CSMD1: variants seen among roughly 807,000 people sequenced by gnomAD.
The protein encoded by CSMD1 is CUB and sushi domain-containing protein 1.
In CSMD1, 213 loss-of-function variants were observed where a neutral mutation model predicts 417.5. The ratio of observed to expected loss-of-function variants is 0.51; its 90% CI spans 0.46 to 0.57. CSMD1 has a LOEUF of 0.57. Among genes scored for constraint, CSMD1 ranks in the 20% least tolerant of loss-of-function variants. The pLI is 0.00. For synonymous variants in CSMD1, 2,862 were observed against 1,736.8 expected (o/e 1.65, Z -16.11); for missense variants, 6,923 against 4,529.7 (o/e 1.53, Z -15.17).
chr8:3,183,125 G>T (rs1363650282), intron 36 of CSMD1: 1 of 148,598 alleles, frequency 6.7e-6, no homozygotes, highest in Non-Finnish European at 1.5e-5. Context: ...CTGAAACATC[G>T]AGTAGGTCTC....
chr8:4,204,599 G>T (rs188990156), intron 3 of CSMD1, among the ~76,000 whole-genome samples: 1 of 152,102 alleles, frequency 6.6e-6, no homozygotes, highest in African/African-American at 2.4e-5. Context: ...AAAAATAATT[G>T]CATAAAAGTG....
intron 25 of CSMD1, among the ~76,000 whole-genome samples, chr8:3,304,348 C>A (rs1269085343): frequency 6.6e-6 from 1 of 152,014 alleles, no homozygotes; most frequent in Non-Finnish European, 1.5e-5. Flanking sequence ...AAGGCTAAGA[C>A]CAGACACCAT....
chr8:4,022,562 G>A (rs1796843300), intron 4 of CSMD1, among the ~76,000 whole-genome samples: 4 of 152,174 alleles, frequency 2.6e-5, no homozygotes, highest in Admixed American at 1.3e-4. Context: ...GAAACAGGGT[G>A]TGCATTGAGG....
intron 3 of CSMD1, among the ~76,000 whole-genome samples, chr8:4,035,275 A>C (rs973735174): frequency 1.4e-4 from 22 of 152,188 alleles, no homozygotes; most frequent in African/African-American, 5.1e-4. Flanking sequence ...ACAAATCTTC[A>C]GCACATACAA....
At chr8:4,876,680 G>A (rs1434986465) in intron 1 of CSMD1, among the ~76,000 whole-genome samples, 5 of 152,000 alleles carry the variant, frequency 3.3e-5, no homozygotes, top group Admixed American at 6.6e-5. Flanking sequence ...GCCGTTAGGT[G>A]CATATAGTCT....
intron 1 of CSMD1, among the ~76,000 whole-genome samples, chr8:4,711,050 A>T (rs1412537203): frequency 6.6e-6 from 1 of 151,956 alleles, no homozygotes; most frequent in Non-Finnish European, 1.5e-5. Context: ...AAGAAAATAA[A>T]ATTAGGCAAA....
intron 5 of CSMD1, among the ~76,000 whole-genome samples, chr8:3,809,383 T>C (rs558999897): frequency 2.6e-5 from 4 of 152,256 alleles, no homozygotes; most frequent in Non-Finnish European, 5.9e-5. Context: ...CACTAGGCTC[T>C]GTTTCAGAGA....
At chr8:3,988,692 T>C (rs751008015) in intron 5 of CSMD1, among the ~76,000 whole-genome samples, 3 of 152,216 alleles carry the variant, frequency 2.0e-5, no homozygotes, top group African/African-American at 7.2e-5. Flanking sequence ...CTAAGTGATA[T>C]ACAGGATCTA....
At chr8:3,765,235 G>C (rs536123088) in intron 5 of CSMD1, among the ~76,000 whole-genome samples, 2 of 152,226 alleles carry the variant, frequency 1.3e-5, no homozygotes, top group East Asian at 3.9e-4. Flanking sequence ...TGTCTGCTGT[G>C]CTCCTGCTTT....
At chr8:3,272,424 G>T (rs1366343278) in intron 26 of CSMD1, among the ~76,000 whole-genome samples, 3 of 150,676 alleles carry the variant, frequency 2.0e-5, no homozygotes, top group African/African-American at 7.3e-5. Flanking sequence ...GCTCCTTTTT[G>T]GTTCCATATG....
In CSMD1 at chr8:4,809,455, G is replaced by A. The variant is rs569219551; in HGVS notation, c.86-171897C>T. 5.9e-5 allele frequency among the ~76,000 whole-genome samples: 9 copies of A among 152,248 alleles called. No individual in the cohort carries two copies. The South Asian group carries it at 1.5e-3, about 25-fold the overall frequency. On this transcript the variant is annotated intron_variant, in intron 1 of 69. Transcript: ENST00000635120. ...TACCTGCAATCTAAGAATACTGTAT[G>A]TATAAACTAACAAGAGACTTCCAGG...
chr8:4,518,971 G>C lies in CSMD1; in HGVS notation c.303-98906C>G, dbSNP rs543017442. On this transcript the variant is annotated intron_variant, in intron 2 of 69. Transcript: ENST00000635120. ...ACATTCTCCCTTTTTTAATTGCAAA[G>C]AGACTCCCCACTTTCTCTTTTGCTG... is the stretch of plus-strand genomic sequence containing the variant. Among the ~76,000 whole-genome samples, 14 of 152,062 alleles carry C rather than the reference G, an allele frequency of 9.2e-5. No individual in the cohort carries two copies. In the South Asian group the frequency reaches 2.5e-3, roughly 27 times the overall value.
intron 1 of CSMD1, among the ~76,000 whole-genome samples, chr8:4,824,540 C>T (rs906434891): frequency 6.6e-6 from 1 of 152,086 alleles, no homozygotes; most frequent in African/African-American, 2.4e-5. Flanking sequence ...CAAGAAAGTT[C>T]TATTAATAAT....
At chr8:3,902,163 A>G (rs1807799615) in intron 5 of CSMD1, among the ~76,000 whole-genome samples, 2 of 152,176 alleles carry the variant, frequency 1.3e-5, no homozygotes, top group Non-Finnish European at 1.5e-5. Flanking sequence ...CTGTAGCAAC[A>G]TTGCTACTAA....
intron 18 of CSMD1, among the ~76,000 whole-genome samples, chr8:3,372,162 G>C (rs546202362): frequency 1.3e-5 from 2 of 152,124 alleles, no homozygotes; most frequent in African/African-American, 2.4e-5. Flanking sequence ...CAGCGGTGCC[G>C]TACTTAGGAA....
chr8:3,047,994 C>G (rs1811570720), intron 50 of CSMD1, among the ~76,000 whole-genome samples: 2 of 152,196 alleles, frequency 1.3e-5, no homozygotes, highest in Admixed American at 1.3e-4. Flanking sequence ...TTTTGTCAAT[C>G]TGTGAAGTAA....
At chr8:4,808,978 T>A (rs545248758) in intron 1 of CSMD1, among the ~76,000 whole-genome samples, 1 of 152,320 alleles carries the variant, frequency 6.6e-6, no homozygotes, top group South Asian at 2.1e-4. Flanking sequence ...AAATCTTGTT[T>A]AAAATTGGAG....
At chr8:3,945,668 T>G (rs1585012045) in intron 5 of CSMD1, among the ~76,000 whole-genome samples, 1 of 152,106 alleles carries the variant, frequency 6.6e-6, no homozygotes, top group Non-Finnish European at 1.5e-5. Context: ...TTTACTTAGG[T>G]GAAATGACGA....
Position 4,709,196 on chromosome 8 carries a change from G to C in CSMD1, c.86-71638C>G, listed in dbSNP as rs573248569. Among the ~76,000 whole-genome samples, 3 of 152,258 alleles carry C rather than the reference G, an allele frequency of 2.0e-5. 1 individual carries two copies. Among genetic ancestry groups the C allele is most frequent in the South Asian group, 4.1e-4 (2 of 4,820 alleles). The stretch of plus-strand genomic sequence containing the variant: ...TGCATAGCTCAGCTCACAATCGAGA[G>C]AGAGGAATTCCTCGATGGTAGAAGG... On this transcript the variant is annotated intron_variant, in intron 1 of 69. Transcript: ENST00000635120.
Sources: gnomAD v4.1 joint callset for allele counts (sites outside exome capture counted in the v4.1 genomes callset) on GRCh38, gnomAD v4.1.1 for gene constraint, MANE v1.5 for transcripts, NCBI Gene and HGNC (gene_info 2026-07-23, HGNC 2026-07-21) for gene names.